ARHGEF11: variants seen among roughly 807,000 people sequenced by gnomAD.
ARHGEF11 encodes the protein Rho guanine exchange factor (GEF) 11.
Under a neutral mutation model 193.7 loss-of-function variants are expected in ARHGEF11, and 55 were observed. The ratio of observed to expected loss-of-function variants is 0.28; its 90% CI spans 0.23 to 0.36. ARHGEF11 has a LOEUF of 0.36. ARHGEF11 is among the 10% of genes least tolerant of loss of function. The pLI, the probability that ARHGEF11 is intolerant of heterozygous loss-of-function variation, is 1.00. For missense variants in ARHGEF11, 1,723 were observed against 2,005.6 expected (o/e 0.86, Z 2.69); for synonymous variants, 693 against 768.0 (o/e 0.90, Z 1.62).
intron 1 of ARHGEF11, among the ~76,000 whole-genome samples, chr1:157,043,309 G>T (rs1267313002): frequency 6.6e-6 from 1 of 152,150 alleles, no homozygotes; most frequent in Admixed American, 6.5e-5. Flanking sequence ...TATCCAGTTA[G>T]GATGTGTGCA....
Position 156,986,115 on chromosome 1 carries a change from G to A in ARHGEF11, c.91C>T (p.His31Tyr), listed in dbSNP as rs1270686480. Residue 31 changes from histidine to tyrosine, a missense_variant, in exon 2 of 41, where the codon CAT becomes TAT. Around this residue, in one of 5 missense-constraint regions of ARHGEF11, gnomAD observed 646 missense variants for 710.7 expected, o/e 0.91. Transcript: ENST00000368194. ...TCAGAGGCATCCGAAGGCTGGCGATGGTGGGAAGGGGACTTGCGCTCTGGT... is the reference window on the plus strand; with the variant it reads ...TCAGAGGCATCCGAAGGCTGGCGATAGTGGGAAGGGGACTTGCGCTCTGGT... ...SAPERKSPSH[H>Y]RQPSDASETT... 1.2e-6 allele frequency: 2 copies of A among 1,613,998 alleles called. No homozygotes were observed. The highest frequency in any genetic ancestry group is 2.2e-5 in the South Asian group (2 of 91,066).
intron 1 of ARHGEF11, among the ~76,000 whole-genome samples, chr1:157,015,013 C>T (rs1200123721): frequency 6.6e-6 from 1 of 152,214 alleles, no homozygotes; most frequent in African/African-American, 2.4e-5. Flanking sequence ...AAACTCAACA[C>T]ACTGACAAAC....
chr1:156,963,474 T>C (rs754568885), intron 12 of ARHGEF11, 46 bp downstream of exon 12: 3 of 1,594,306 alleles, frequency 1.9e-6, no homozygotes, highest in Non-Finnish European at 2.6e-6. Context: ...GAGCAGCTTG[T>C]ATGACAAAAA....
intron 10 of ARHGEF11, among the ~76,000 whole-genome samples, chr1:156,968,893 T>C (rs865790326): frequency 1.3e-5 from 2 of 152,132 alleles, no homozygotes; most frequent in Admixed American, 6.5e-5. Flanking sequence ...TCTGAATAGG[T>C]TGGGTTCACT....
rs114739168 is a variant in ARHGEF11, at chr1:157,034,330, C to T, written c.32+9969G>A. 7.9e-3 allele frequency among the ~76,000 whole-genome samples: 1,196 copies of T among 152,258 alleles called. 15 individuals are homozygous for T. The highest frequency in any genetic ancestry group is 0.027 in the African/African-American group (1,115 of 41,542). Reference sequence around the variant, plus strand: ...ATGAATGGGGCCAGCCTGGGGCAGGCGGGACAATGGCAGGGTAGGCCTTGT... The same window carrying T: ...ATGAATGGGGCCAGCCTGGGGCAGGTGGGACAATGGCAGGGTAGGCCTTGT... On this transcript the variant is annotated intron_variant, in intron 1 of 40. Coordinates refer to ENST00000368194, the MANE Select transcript of ARHGEF11 (RefSeq NM_198236.3).
intron 1 of ARHGEF11, among the ~76,000 whole-genome samples, chr1:157,012,842 C>T (rs920612725): frequency 6.6e-6 from 1 of 152,166 alleles, no homozygotes; most frequent in Non-Finnish European, 1.5e-5. Context: ...TCATCATCAC[C>T]GCCATCCTCA....
At chr1:156,998,804 T>G (rs1666868549) in intron 1 of ARHGEF11, among the ~76,000 whole-genome samples, 1 of 152,236 alleles carries the variant, frequency 6.6e-6, no homozygotes, top group South Asian at 2.1e-4. Flanking sequence ...TATATTTATT[T>G]GCTTTTGTCA....
At chr1:157,006,573 C>G (rs147019787) in intron 1 of ARHGEF11, among the ~76,000 whole-genome samples, 6 of 152,332 alleles carry the variant, frequency 3.9e-5, no homozygotes, top group African/African-American at 1.4e-4. Flanking sequence ...GAGAATTGCT[C>G]TCTGATCCTG....
Position 156,963,355 on chromosome 1 carries a change from C to T in ARHGEF11, c.1039-51G>A, listed in dbSNP as rs187380679. 276 of 1,555,080 alleles carry T rather than the reference C, an allele frequency of 1.8e-4. 3 individuals are homozygous for T. In the East Asian group the frequency reaches 3.9e-3, roughly 22 times the overall value. ...TGGGAAGCCGGGCACAGCAGCACAG[C>T]GGGTTCCAGCTTAGCTCCCATGTGA... On this transcript the variant is annotated intron_variant, in intron 12 of 40. Transcript: ENST00000368194.
At chr1:157,024,670 T>C (rs951730290) in intron 1 of ARHGEF11, among the ~76,000 whole-genome samples, 2 of 151,466 alleles carry the variant, frequency 1.3e-5, no homozygotes, top group Admixed American at 6.6e-5. Flanking sequence ...GGTCCATTTA[T>C]AATAATCTCC....
intron 18 of ARHGEF11, among the ~76,000 whole-genome samples, chr1:156,957,126 C>CTA (rs1395468845): frequency 4.6e-5 from 7 of 152,134 alleles, no homozygotes; most frequent in Admixed American, 1.3e-4. Context: ...GTCCAGAGCT[C>CTA]TGTTTAAAAA....
At chr1:156,974,478 A>G (rs573892481) in intron 7 of ARHGEF11, among the ~76,000 whole-genome samples, 60 of 152,342 alleles carry the variant, frequency 3.9e-4, no homozygotes, top group African/African-American at 1.4e-3. Context: ...TTGGACTTTA[A>G]GAGCATTAAA....
At chr1:156,960,051 T>C (rs1660600281) in intron 15 of ARHGEF11, among the ~76,000 whole-genome samples, 1 of 150,088 alleles carries the variant, frequency 6.7e-6, no homozygotes, top group South Asian at 2.1e-4. Flanking sequence ...TTCTTGACAA[T>C]CAACCTGGCT....
intron 1 of ARHGEF11, 92 bp from the exon 2 acceptor site, chr1:156,986,265 T>C (rs3737599): frequency 0.21 from 231,858 of 1,104,914 alleles, 27,085 homozygotes; most frequent in East Asian, 0.43. Flanking sequence ...GGGCCCTGAG[T>C]CTTGGATAAT....
chr1:157,037,181 T>C (rs560429461), intron 1 of ARHGEF11, among the ~76,000 whole-genome samples: 1 of 152,196 alleles, frequency 6.6e-6, no homozygotes, highest in African/African-American at 2.4e-5. Context: ...TACTGGTTAA[T>C]TCTGCTACCA....
rs572527343 is a variant in ARHGEF11, at chr1:156,983,474, G to A, written c.223+865C>T. Among the ~76,000 whole-genome samples the A allele has an allele frequency of 1.1e-3, 163 of 152,194 alleles. No homozygotes were observed. In the Middle Eastern group the frequency reaches 0.017, roughly 16 times the overall value. ...CCTGACCTCGTGATCCGCGAGCCTC[G>A]GCCTCCCATAGTGCTGAGATTACAG... is the stretch of plus-strand genomic sequence containing the variant. On this transcript the variant is annotated intron_variant, in intron 3 of 40. Coordinates refer to ENST00000368194, the MANE Select transcript of ARHGEF11 (RefSeq NM_198236.3).
At chr1:157,041,829 G>C (rs1432252002) in intron 1 of ARHGEF11, among the ~76,000 whole-genome samples, 2 of 152,132 alleles carry the variant, frequency 1.3e-5, no homozygotes, top group Non-Finnish European at 2.9e-5. Context: ...AGTCTTACGT[G>C]TTTCCCAGTC....
At chr1:157,011,124 G>A (rs375459696) in intron 1 of ARHGEF11, among the ~76,000 whole-genome samples, 8 of 152,174 alleles carry the variant, frequency 5.3e-5, no homozygotes, top group Admixed American at 3.3e-4. Context: ...AAGTCAGTAT[G>A]CGACTGGCAT....
chr1:156,943,065 C>CTTTTT (rs112741222), intron 32 of ARHGEF11, among the ~76,000 whole-genome samples: 7 of 140,478 alleles, frequency 5.0e-5, no homozygotes, highest in South Asian at 2.2e-4. Context: ...AGTTATAAAA[C>CTTTTT]TTTTTTTTTT....
Sources: gnomAD v4.1 joint callset for allele counts (sites outside exome capture counted in the v4.1 genomes callset) on GRCh38, gnomAD v4.1.1 for gene constraint, gnomAD v4.1.1 regional missense constraint, MANE v1.5 for transcripts, NCBI Gene and HGNC (gene_info 2026-07-23, HGNC 2026-07-21) for gene names.